DMD: variants seen among roughly 807,000 people sequenced by gnomAD.
The protein encoded by DMD is dystrophin.
A neutral mutation model predicts 330.1 loss-of-function variants in DMD; 63 were observed. The observed-to-expected ratio is 0.19, with a 90% CI of 0.16 to 0.24. The LOEUF is 0.24. Among genes scored for constraint, DMD ranks in the 10% least tolerant of loss-of-function variants. The probability of loss-of-function intolerance (pLI) is 1.00; values close to 1 mark genes in which losing one functional copy is unlikely to be tolerated. For synonymous variants in DMD, 1,223 were observed against 959.8 expected, an observed-to-expected ratio of 1.27 and a Z score of -5.07; for missense variants, 3,344 against 2,684.1, an observed-to-expected ratio of 1.25 and a Z score of -5.43.
rs1375229457 is a variant in DMD, at chrX:31,212,144, TATTATATATA to T, written c.9362-2455_9362-2446del. Among the ~76,000 whole-genome samples, 271 of 89,228 alleles carry T rather than the reference TATTATATATA, an allele frequency of 3.0e-3. 2 individuals are homozygous for T. Among genetic ancestry groups the T allele is most frequent in the African/African-American group, 0.012 (262 of 21,269 alleles). The allele number at this position is 89,228 out of a possible 115,157, so 77.5% of individuals were successfully genotyped here. ...TTAAGCTAGGAATTTCCATTAAATA[TATTATATATA>T]TATATATATATATGTGTGTGTGTAT... On this transcript the variant is annotated intron_variant, in intron 64 of 78. Coordinates refer to ENST00000357033, the MANE Select transcript of DMD (RefSeq NM_004006.3).
intron 16 of DMD, among the ~76,000 whole-genome samples, chrX:32,556,392 G>A (rs902259051): frequency 9.0e-6 from 1 of 111,085 alleles, no homozygotes; most frequent in African/African-American, 3.3e-5. Flanking sequence ...CAACCCTTGT[G>A]GAAGACAATG....
chrX:31,769,015 A>C (rs1376855992), intron 51 of DMD, among the ~76,000 whole-genome samples: 2 of 112,314 alleles, frequency 1.8e-5, no homozygotes, highest in Non-Finnish European at 3.8e-5. Flanking sequence ...TTTTTATTTC[A>C]AAATGGAAGC....
intron 74 of DMD, among the ~76,000 whole-genome samples, chrX:31,161,701 T>C (rs1490030291): frequency 4.5e-5 from 5 of 111,783 alleles, no homozygotes; most frequent in Non-Finnish European, 9.4e-5. Context: ...GAACCTGGCA[T>C]CTTTTAATGG....
In DMD at chrX:32,454,783, C is replaced by T. The variant is rs371273141; in HGVS notation, c.3482G>A (p.Ser1161Asn). 8.3e-7 allele frequency: 1 copy of T among 1,204,523 alleles called. No individual in the cohort carries two copies. Among genetic ancestry groups the T allele is most frequent in the African/African-American group, 1.8e-5 (1 of 56,510 alleles). ...ALKGGLEKTV[S>N]LQKDLSEMHE... ...CATCTCTGATAGATCTTTCTGGAGG[C>T]TTACAGTTTTCTCCAAACCTCCCTT... is the stretch of plus-strand genomic sequence containing the variant. The change falls in exon 26 of 79, where the codon AGC (serine) becomes AAC (asparagine). Residue 1161 changes from serine to asparagine, a missense_variant. By Grantham distance (46) the Ser-to-Asn change is conservative. Transcript: ENST00000357033.
At chrX:32,809,397 A>C (rs1253894550) in intron 7 of DMD, 96 bp downstream of exon 7, 1 of 714,025 alleles carries the variant, frequency 1.4e-6, no homozygotes, top group African/African-American at 2.1e-5. Context: ...AACTTAAGAT[A>C]TGTAGTTTTG....
chrX:33,320,578 G>C (rs746245088), intron 1 of DMD, among the ~76,000 whole-genome samples: 42 of 112,395 alleles, frequency 3.7e-4, no homozygotes, highest in Admixed American at 8.5e-4. Context: ...TTTGCTAGTG[G>C]AGGCTCTTGC....
chrX:32,473,024 C>A (rs188044748), intron 21 of DMD, among the ~76,000 whole-genome samples: 212 of 110,345 alleles, frequency 1.9e-3, no homozygotes, highest in African/African-American at 6.6e-3. Flanking sequence ...TATGTATATA[C>A]AAACAAGTTT....
At chrX:32,783,219 T>TACGTGTATAC (rs1325946436) in intron 7 of DMD, among the ~76,000 whole-genome samples, 2 of 98,335 alleles carry the variant, frequency 2.0e-5, no homozygotes, top group Non-Finnish European at 4.1e-5. Context: ...TATGTGTATA[T>TACGTGTATAC]ACGTGTATAC....
In DMD at chrX:32,426,445, G is replaced by C. The variant is rs759548659; in HGVS notation, c.4071+11796C>G. Among the ~76,000 whole-genome samples, 4 of 111,647 alleles carry C rather than the reference G, an allele frequency of 3.6e-5. No homozygotes were observed. In the South Asian group the frequency reaches 1.5e-3, roughly 42 times the overall value. On this transcript the variant is annotated intron_variant, in intron 29 of 78. Transcript: ENST00000357033. ...CACGATAAGATGCCATCTCGCACCA[G>C]TCAAAATGGCTATTATTAAAATGTC...
chrX:32,036,529 G>T (rs1332037237), intron 44 of DMD, among the ~76,000 whole-genome samples: 1 of 111,766 alleles, frequency 8.9e-6, no homozygotes, highest in East Asian at 2.8e-4. Context: ...AAATCAGGGA[G>T]CCAGGGAGGA....
intron 52 of DMD, among the ~76,000 whole-genome samples, chrX:31,718,948 A>G (rs758893266): frequency 2.1e-4 from 23 of 111,869 alleles, no homozygotes; most frequent in South Asian, 7.4e-4. Context: ...ATAATTTGCC[A>G]TGGGTCCCAC....
intron 2 of DMD, among the ~76,000 whole-genome samples, chrX:32,926,065 G>A (rs2088980456): frequency 8.9e-6 from 1 of 112,066 alleles, no homozygotes; most frequent in Admixed American, 9.5e-5. Flanking sequence ...ATCAACAAAT[G>A]AATGGATAAT....
chrX:32,678,555 C>T (rs191946126), intron 9 of DMD, among the ~76,000 whole-genome samples: 3 of 110,303 alleles, frequency 2.7e-5, no homozygotes, highest in African/African-American at 6.6e-5. Context: ...TGGGTGCCTA[C>T]ATGCTTAGTA....
intron 7 of DMD, among the ~76,000 whole-genome samples, chrX:32,741,705 CAT>C (rs965666334): frequency 9.0e-6 from 1 of 111,723 alleles, no homozygotes; most frequent in African/African-American, 3.2e-5. Flanking sequence ...AAGCTTTTGT[CAT>C]ATCTCTAATT....
At chrX:32,132,846 G>C (rs1454660015) in intron 44 of DMD, among the ~76,000 whole-genome samples, 1 of 110,214 alleles carries the variant, frequency 9.1e-6, no homozygotes, top group African/African-American at 3.3e-5. Flanking sequence ...AAAAATTACT[G>C]CTTTCTCCTT....
At chrX:31,997,656 A>T (rs1476827084) in intron 44 of DMD, among the ~76,000 whole-genome samples, 1 of 110,101 alleles carries the variant, frequency 9.1e-6, no homozygotes, top group African/African-American at 3.3e-5. Context: ...TTTCTTTGCA[A>T]CTTAATGTGA....
At chrX:32,699,673 C>T (rs2063937281) in intron 7 of DMD, among the ~76,000 whole-genome samples, 1 of 111,532 alleles carries the variant, frequency 9.0e-6, no homozygotes, top group Non-Finnish European at 1.9e-5. Flanking sequence ...TCAAATGGTG[C>T]ACTGGTAATT....
rs763803949 is a variant in DMD, at chrX:31,940,374, C to T, written c.6615-8147G>A. 9.0e-5 allele frequency among the ~76,000 whole-genome samples: 10 copies of T among 111,602 alleles called. No homozygotes were observed. The East Asian group carries it at 2.5e-3, about 28-fold the overall frequency. ...CCAGTCTCCCTTGCCATTAGTTTGG[C>T]TACATGACTGAGTTCGAGCCAATGG... is the stretch of plus-strand genomic sequence containing the variant. On this transcript the variant is annotated intron_variant, in intron 45 of 78. Coordinates refer to ENST00000357033, the MANE Select transcript of DMD (RefSeq NM_004006.3).
chrX:33,108,651 G>T (rs932604057), intron 1 of DMD, among the ~76,000 whole-genome samples: 1 of 104,401 alleles, frequency 9.6e-6, no homozygotes, highest in Non-Finnish European at 2.0e-5. Flanking sequence ...CCAGGAGGGC[G>T]GATTACCTGA....
Sources: gnomAD v4.1 joint callset for allele counts (sites outside exome capture counted in the v4.1 genomes callset) on GRCh38, gnomAD v4.1.1 for gene constraint, MANE v1.5 for transcripts, NCBI Gene and HGNC (gene_info 2026-07-23, HGNC 2026-07-21) for gene names.